Variants in NBEA observed in about 807,000 individuals in gnomAD.
NBEA encodes lysosomal-trafficking regulator 2.
Under a neutral mutation model 343.4 loss-of-function variants are expected in NBEA, and 44 were observed. The observed-to-expected ratio is 0.13, with a 90% CI of 0.10 to 0.16. NBEA has a LOEUF of 0.16. Ranked by LOEUF, NBEA falls within the 10% of genes least tolerant of loss-of-function variation. The pLI, the probability that NBEA is intolerant of heterozygous loss-of-function variation, is 1.00. For missense variants in NBEA, 2,555 were observed against 3,631.3 expected, an observed-to-expected ratio of 0.70 and a Z score of 7.62; for synonymous variants, 1,175 against 1,238.7, an observed-to-expected ratio of 0.95 and a Z score of 1.08.
At chr13:35,524,170 C>G (rs946933278) in intron 41 of NBEA, among the ~76,000 whole-genome samples, 1 of 152,174 alleles carries the variant, frequency 6.6e-6, no homozygotes, top group African/African-American at 2.4e-5. Context: ...ATTGCTCCCT[C>G]TAGATTCTAT....
intron 41 of NBEA, among the ~76,000 whole-genome samples, chr13:35,546,111 G>C (rs1231520365): frequency 1.3e-5 from 2 of 152,176 alleles, no homozygotes; most frequent in South Asian, 2.1e-4. Context: ...GTATCGAACA[G>C]TAAATAGGAT....
rs563115524 is a variant in NBEA at position 35,478,781 on chromosome 13, T to A, written c.6585+6245T>A. Among the ~76,000 whole-genome samples the A allele has an allele frequency of 3.9e-5, 6 of 152,352 alleles. No homozygotes were observed. In the South Asian group the frequency reaches 1.2e-3, roughly 32 times the overall value. On this transcript the variant is annotated intron_variant, in intron 41 of 58. Transcript: ENST00000379939. ...CTCTCCCTTGGGTTCAGGCCAGAGA[T>A]GCTTGCCCCAAGACCTCGCCCCTTG...
At chr13:35,129,855 G>A (rs1375476788) in intron 17 of NBEA, among the ~76,000 whole-genome samples, 3 of 151,868 alleles carry the variant, frequency 2.0e-5, no homozygotes, top group Non-Finnish European at 4.4e-5. Context: ...AACAACAAAG[G>A]GAAGTTAGCC....
intron 40 of NBEA, among the ~76,000 whole-genome samples, chr13:35,463,165 A>G (rs1194710050): frequency 1.3e-5 from 2 of 152,228 alleles, no homozygotes; most frequent in Non-Finnish European, 2.9e-5. Context: ...CCAAGCAGGA[A>G]GTAAAGTAGT....
chr13:35,495,398 G>C (rs1399738530), intron 41 of NBEA, among the ~76,000 whole-genome samples: 2 of 151,748 alleles, frequency 1.3e-5, no homozygotes, highest in Admixed American at 6.6e-5. Context: ...ATTGAAAAAA[G>C]AAATATTAAA....
At chr13:35,113,524 T>A (rs530902771) in intron 13 of NBEA, among the ~76,000 whole-genome samples, 57 of 152,178 alleles carry the variant, frequency 3.7e-4, no homozygotes, top group Non-Finnish European at 2.2e-4. Context: ...AATGATATTT[T>A]CTAAGACATT....
intron 30 of NBEA, among the ~76,000 whole-genome samples, chr13:35,189,477 T>G (rs954244281): frequency 2.0e-5 from 3 of 152,040 alleles, no homozygotes; most frequent in African/African-American, 7.2e-5. Flanking sequence ...CATTTTATTA[T>G]TAGTATTATT....
chr13:35,242,347 A>G (rs1458983093), intron 34 of NBEA, among the ~76,000 whole-genome samples: 1 of 151,892 alleles, frequency 6.6e-6, no homozygotes, highest in African/African-American at 2.4e-5. Context: ...GACAGGTCAT[A>G]TGAAATTACT....
In NBEA at chr13:35,593,149, T is replaced by G; in HGVS notation, c.7177-179T>G. ...GCCAGAGTTGCAGACTGACAACTGCTGCCTTGGCCTAGTCAAGCCCAGACA... is the reference window on the plus strand; with the variant it reads ...GCCAGAGTTGCAGACTGACAACTGCGGCCTTGGCCTAGTCAAGCCCAGACA... On this transcript the variant is annotated intron_variant, in intron 46 of 58. Transcript: ENST00000379939. The G allele has an allele frequency of 8.5e-6, 4 of 469,592 alleles. No individual in the cohort carries two copies. In the South Asian group the frequency reaches 2.1e-4, roughly 24 times the overall value. 29.1% of individuals were successfully genotyped at this position (469,592 alleles called of 1,614,324 possible). A position where few individuals can be genotyped will look rare whatever the true frequency, so the allele number is the denominator to read the frequency against.
intron 34 of NBEA, among the ~76,000 whole-genome samples, chr13:35,238,257 G>A (rs1455858139): frequency 6.6e-6 from 1 of 152,174 alleles, no homozygotes; most frequent in Non-Finnish European, 1.5e-5. Context: ...TTATGATGCG[G>A]ATATAGCAGA....
chr13:35,311,580 G>A (rs1425968016), intron 36 of NBEA, among the ~76,000 whole-genome samples: 2 of 152,134 alleles, frequency 1.3e-5, no homozygotes, highest in Non-Finnish European at 2.9e-5. Flanking sequence ...TAGGTTGGGT[G>A]CAGTGGCTCA....
Position 35,654,838 on chromosome 13 carries a change from T to C in NBEA, c.8036-17T>C, listed in dbSNP as rs182570245. ...TATGGAATCTTTCTTCAAATGCTTT[T>C]TTCCATTTACTTTTAGCCAATAATT... On this transcript the variant is annotated splice_polypyrimidine_tract_variant and intron_variant, in intron 53 of 58. Transcript: ENST00000379939. 240 of 1,558,374 alleles carry C rather than the reference T, an allele frequency of 1.5e-4. No homozygotes were observed. In the African/African-American group the frequency reaches 3.0e-3, roughly 19 times the overall value.
At chr13:35,590,234 A>C (rs570646193) in intron 46 of NBEA, among the ~76,000 whole-genome samples, 1 of 152,142 alleles carries the variant, frequency 6.6e-6, no homozygotes. Context: ...AGCAATCTCC[A>C]CAGTAATCAG....
At chr13:35,222,058 A>G (rs2074398698) in intron 33 of NBEA, among the ~76,000 whole-genome samples, 3 of 152,178 alleles carry the variant, frequency 2.0e-5, no homozygotes, top group Non-Finnish European at 4.4e-5. Context: ...CTAAAGGTAG[A>G]AATCCACATT....
intron 41 of NBEA, among the ~76,000 whole-genome samples, chr13:35,520,031 T>C (rs2077635590): frequency 6.6e-6 from 1 of 152,174 alleles, no homozygotes; most frequent in African/African-American, 2.4e-5. Flanking sequence ...CATTCTTCCA[T>C]GGACCCAGGG....
chr13:35,259,164 CT>C (rs779210492), intron 34 of NBEA, among the ~76,000 whole-genome samples: 5 of 152,120 alleles, frequency 3.3e-5, no homozygotes, highest in Non-Finnish European at 7.4e-5. Context: ...TGTTTATTAT[CT>C]GGTGTCCTGA....
chr13:35,509,558 T>C (rs2077196914), intron 41 of NBEA, among the ~76,000 whole-genome samples: 1 of 152,196 alleles, frequency 6.6e-6, no homozygotes, highest in Non-Finnish European at 1.5e-5. Context: ...TCTAAGTTTT[T>C]GTATTTGGCC....
chr13:35,229,074 A>G (rs920342349), intron 33 of NBEA, among the ~76,000 whole-genome samples: 7 of 152,160 alleles, frequency 4.6e-5, no homozygotes, highest in Admixed American at 3.3e-4. Flanking sequence ...TCTGTTACCC[A>G]GGCTAGAGTG....
At chr13:35,107,479 A>G (rs1227037468) in intron 11 of NBEA, among the ~76,000 whole-genome samples, 1 of 151,946 alleles carries the variant, frequency 6.6e-6, no homozygotes, top group African/African-American at 2.4e-5. Flanking sequence ...AATTTGAACC[A>G]ATTAAGTGGC....
Sources: gnomAD v4.1 joint callset for allele counts (sites outside exome capture counted in the v4.1 genomes callset) on GRCh38, gnomAD v4.1.1 for gene constraint, MANE v1.5 for transcripts, NCBI Gene and HGNC (gene_info 2026-07-23, HGNC 2026-07-21) for gene names.